ADGRB3: variants seen among roughly 807,000 people sequenced by gnomAD.
The protein encoded by ADGRB3 is adhesion G protein-coupled receptor B3.
Under a neutral mutation model 193.4 loss-of-function variants are expected in ADGRB3, and 37 were observed. The ratio of observed to expected loss-of-function variants is 0.19; its 90% confidence interval spans 0.15 to 0.25. The LOEUF is 0.25. ADGRB3 is among the 10% of genes least tolerant of loss of function. ADGRB3 has a pLI of 1.00. For missense variants in ADGRB3, 1,637 were observed against 1,852.9 expected, an observed-to-expected ratio of 0.88 and a Z score of 2.14; for synonymous variants, 690 against 644.2, an observed-to-expected ratio of 1.07 and a Z score of -1.08.
chr6:69,209,424 G>A (rs1174161906), intron 17 of ADGRB3, among the ~76,000 whole-genome samples: 4 of 152,284 alleles, frequency 2.6e-5, no homozygotes, highest in East Asian at 1.9e-4. Context: ...GAGGTAGAAG[G>A]TCCCTGAATT....
intron 17 of ADGRB3, among the ~76,000 whole-genome samples, chr6:69,202,067 G>A (rs1198510532): frequency 7.9e-5 from 12 of 152,244 alleles, no homozygotes; most frequent in Non-Finnish European, 1.5e-5. Context: ...GTGATTTGCA[G>A]TCCTTCCTCA....
At chr6:68,740,284 C>A (rs898407008) in intron 3 of ADGRB3, among the ~76,000 whole-genome samples, 4 of 152,066 alleles carry the variant, frequency 2.6e-5, no homozygotes, top group Admixed American at 6.6e-5. Context: ...TAAGTCTGGG[C>A]GTGGTGGCAT....
intron 3 of ADGRB3, among the ~76,000 whole-genome samples, chr6:68,817,321 A>G (rs1225056394): frequency 5.8e-5 from 4 of 68,950 alleles, no homozygotes; most frequent in African/African-American, 4.0e-4. Context: ...ATATATATAT[A>G]TATATATATA....
At chr6:69,002,381 G>A (rs1195965026) in intron 11 of ADGRB3, among the ~76,000 whole-genome samples, 1 of 151,966 alleles carries the variant, frequency 6.6e-6, no homozygotes, top group Non-Finnish European at 1.5e-5. Flanking sequence ...ACCACGCCTG[G>A]CTAATTTTTG....
At chr6:69,192,480 A>G (rs1303694717) in intron 17 of ADGRB3, among the ~76,000 whole-genome samples, 1 of 152,120 alleles carries the variant, frequency 6.6e-6, no homozygotes, top group Non-Finnish European at 1.5e-5. Flanking sequence ...CTTTGGTAAC[A>G]CCCTCACAGA....
At chr6:68,885,722 C>A (rs1203781857) in intron 3 of ADGRB3, among the ~76,000 whole-genome samples, 1 of 152,098 alleles carries the variant, frequency 6.6e-6, no homozygotes, top group East Asian at 1.9e-4. Context: ...TTTCAGTTAG[C>A]CTTCAGAAAT....
intron 17 of ADGRB3, among the ~76,000 whole-genome samples, chr6:69,096,608 A>G (rs1028698756): frequency 1.3e-5 from 2 of 152,118 alleles, no homozygotes; most frequent in African/African-American, 4.8e-5. Flanking sequence ...CCCCCAAGTC[A>G]CTATAATCTT....
At chr6:69,188,375 C>T (rs1015186034) in intron 17 of ADGRB3, among the ~76,000 whole-genome samples, 1 of 152,034 alleles carries the variant, frequency 6.6e-6, no homozygotes, top group African/African-American at 2.4e-5. Context: ...ATGGTGCTAT[C>T]TCGGCTCACT....
At chr6:69,010,999 G>A (rs528293085) in intron 11 of ADGRB3, among the ~76,000 whole-genome samples, 11 of 151,810 alleles carry the variant, frequency 7.2e-5, no homozygotes, top group South Asian at 6.2e-4. Flanking sequence ...TCAATCATGC[G>A]GCCTGAAATG....
intron 17 of ADGRB3, among the ~76,000 whole-genome samples, chr6:69,229,714 T>G (rs1766092931): frequency 6.6e-6 from 1 of 152,158 alleles, no homozygotes. Context: ...ACTAAATAGC[T>G]TTTCATTGGA....
At chr6:69,127,903 T>TTTTTG (rs1554149854) in intron 17 of ADGRB3, among the ~76,000 whole-genome samples, 3 of 60,238 alleles carry the variant, frequency 5.0e-5, no homozygotes, top group East Asian at 8.1e-4. Context: ...TAGTTTTTTT[T>TTTTTG]TTGTTTTTTT....
intron 3 of ADGRB3, among the ~76,000 whole-genome samples, chr6:68,901,303 C>T (rs1484716858): frequency 2.6e-5 from 4 of 152,158 alleles, no homozygotes; most frequent in Non-Finnish European, 4.4e-5. Context: ...CAGGCCCTGG[C>T]TCCTTGCAAC....
intron 17 of ADGRB3, among the ~76,000 whole-genome samples, chr6:69,083,040 G>A (rs1772432334): frequency 6.6e-6 from 1 of 152,116 alleles, no homozygotes; most frequent in South Asian, 2.1e-4. Flanking sequence ...CTGGATCGTT[G>A]TCACATTTTT....
intron 20 of ADGRB3, among the ~76,000 whole-genome samples, chr6:69,320,257 A>G (rs1481431725): frequency 2.0e-5 from 3 of 151,410 alleles, no homozygotes; most frequent in Non-Finnish European, 4.4e-5. Context: ...TTTCAATTTT[A>G]TATCTTCATG....
chr6:69,053,264 T>A (rs1404894525), intron 15 of ADGRB3, among the ~76,000 whole-genome samples: 1 of 152,200 alleles, frequency 6.6e-6, no homozygotes, highest in Non-Finnish European at 1.5e-5. Context: ...TCTCATTTTA[T>A]AGATAAGAGA....
intron 11 of ADGRB3, among the ~76,000 whole-genome samples, chr6:69,006,789 T>C (rs540073193): frequency 6.6e-6 from 1 of 152,208 alleles, no homozygotes; most frequent in South Asian, 2.1e-4. Context: ...ATGTAAAATT[T>C]ATATTATTCT....
At chr6:69,113,366 A>C (rs985018635) in intron 17 of ADGRB3, among the ~76,000 whole-genome samples, 1 of 151,664 alleles carries the variant, frequency 6.6e-6, no homozygotes, top group Non-Finnish European at 1.5e-5. Flanking sequence ...TGTATCATAT[A>C]TATGTATATG....
Position 68,677,528 on chromosome 6 carries a change from T to C in ADGRB3, c.757+38096T>C, listed in dbSNP as rs1391939198. On this transcript the variant is annotated intron_variant, in intron 3 of 31. Transcript: ENST00000370598. ...TCTTTTTTTTCTTTTTTTCTTTTTT[T>C]TTTTTTTTTTGACAGGTCTCACTCT... is the stretch of plus-strand genomic sequence containing the variant. Among the ~76,000 whole-genome samples the C allele has an allele frequency of 3.2e-3, 462 of 146,644 alleles. 3 individuals are homozygous for C. The highest frequency in any genetic ancestry group is 0.011 in the African/African-American group (450 of 39,654).
chr6:68,881,693 T>G (rs12524100), intron 3 of ADGRB3, among the ~76,000 whole-genome samples: 3 of 152,114 alleles, frequency 2.0e-5, no homozygotes, highest in Non-Finnish European at 4.4e-5. Context: ...GAAATTACAG[T>G]TCACTGTGGA....
Sources: gnomAD v4.1 joint callset for allele counts (sites outside exome capture counted in the v4.1 genomes callset) on GRCh38, gnomAD v4.1.1 for gene constraint, MANE v1.5 for transcripts, NCBI Gene and HGNC (gene_info 2026-07-23, HGNC 2026-07-21) for gene names.